EYA3: variants seen among roughly 807,000 people sequenced by gnomAD.
The protein encoded by EYA3 is protein phosphatase EYA3.
A neutral mutation model predicts 80.0 loss-of-function variants in EYA3; 39 were observed. That is an observed-to-expected ratio of 0.49 (90% CI 0.38 to 0.64). The LOEUF is 0.64. Among genes scored for constraint, EYA3 ranks in the 30% least tolerant of loss-of-function variants. EYA3 has a pLI of 0.00. For missense variants in EYA3, 523 were observed against 676.1 expected (o/e 0.77, Z 2.51); for synonymous variants, 206 against 232.8 (o/e 0.88, Z 1.05).
chr1:28,035,457 C>A, intron 6 of EYA3, 87 bp downstream of exon 6: 1 of 1,443,164 alleles, frequency 6.9e-7, no homozygotes, highest in Non-Finnish European at 9.4e-7. Flanking sequence ...TAACTAAGTG[C>A]TTTGTAAAGA....
chr1:27,986,399 A>ATTT (rs111866821), intron 16 of EYA3, among the ~76,000 whole-genome samples: 3 of 135,322 alleles, frequency 2.2e-5, no homozygotes, highest in Non-Finnish European at 3.2e-5. Flanking sequence ...CTCTCTTAAC[A>ATTT]TTTTTTTTTT....
At chr1:28,070,426 G>A (rs1644981937) in intron 1 of EYA3, among the ~76,000 whole-genome samples, 1 of 152,054 alleles carries the variant, frequency 6.6e-6, no homozygotes, top group Admixed American at 6.6e-5. Context: ...GCCAGGCGTG[G>A]TGGTGGGCAC....
chr1:28,059,814 G>A (rs192569259), intron 1 of EYA3, among the ~76,000 whole-genome samples: 268 of 148,610 alleles, frequency 1.8e-3, no homozygotes, highest in Non-Finnish European at 3.1e-3. Context: ...TCCGTCTCCC[G>A]GGTTCAAGCA....
intron 1 of EYA3, among the ~76,000 whole-genome samples, chr1:28,084,542 A>G (rs1034302586): frequency 8.2e-6 from 1 of 121,814 alleles, no homozygotes; most frequent in African/African-American, 3.1e-5. Flanking sequence ...TCTGGGAAGC[A>G]TTGACTATTC....
intron 16 of EYA3, among the ~76,000 whole-genome samples, chr1:27,984,644 T>C (rs1639529920): frequency 6.6e-6 from 1 of 152,232 alleles, no homozygotes; most frequent in Admixed American, 6.5e-5. Context: ...AGGACTTTTG[T>C]CACTGCTGTA....
intron 11 of EYA3, among the ~76,000 whole-genome samples, chr1:28,001,762 G>C (rs1179948045): frequency 2.2e-5 from 3 of 138,106 alleles, no homozygotes; most frequent in African/African-American, 8.0e-5. Flanking sequence ...AAAAAGTCTC[G>C]CTCTGTCACC....
chr1:28,057,919 A>G, intron 2 of EYA3, 75 bp downstream of exon 2: 1 of 836,780 alleles, frequency 1.2e-6, no homozygotes, highest in South Asian at 2.3e-5. Flanking sequence ...TGGAATCTAT[A>G]ACTGAATAAT....
chr1:28,066,458 G>A (rs1644840686), intron 1 of EYA3, among the ~76,000 whole-genome samples: 1 of 151,820 alleles, frequency 6.6e-6, no homozygotes, highest in Admixed American at 6.6e-5. Flanking sequence ...TTTAAAATAT[G>A]AAATAAATGG....
At chr1:28,005,522 T>C (rs552698182) in intron 10 of EYA3, among the ~76,000 whole-genome samples, 2 of 152,212 alleles carry the variant, frequency 1.3e-5, no homozygotes, top group South Asian at 2.1e-4. Context: ...GAGACCAGCC[T>C]GGACAACATG....
chr1:28,084,458 G>T lies in EYA3; in HGVS notation c.-69+4066C>A, dbSNP rs529725777. Among the ~76,000 whole-genome samples the T allele has an allele frequency of 1.5e-4, 23 of 148,604 alleles. No individual in the cohort carries two copies. In the South Asian group the frequency reaches 4.7e-3, roughly 30 times the overall value. On this transcript the variant is annotated intron_variant, in intron 1 of 17. Transcript: ENST00000373871. Reference sequence around the variant, plus strand: ...GTATTTTTAAGTTAATTAGAAAACAGAAAGTCCACCTATTTTCCACCTTAC... The same window carrying T: ...GTATTTTTAAGTTAATTAGAAAACATAAAGTCCACCTATTTTCCACCTTAC...
chr1:28,066,114 G>A (rs1644829569), intron 1 of EYA3, among the ~76,000 whole-genome samples: 1 of 152,172 alleles, frequency 6.6e-6, no homozygotes, highest in Non-Finnish European at 1.5e-5. Context: ...GGCGGGAAGT[G>A]TCTACAACAT....
chr1:27,993,945 G>C (rs541724153), intron 13 of EYA3, among the ~76,000 whole-genome samples: 16 of 152,264 alleles, frequency 1.1e-4, no homozygotes, highest in South Asian at 4.1e-4. Flanking sequence ...GGAGAAACAT[G>C]AAAAAATAAT....
chr1:28,048,680 A>G (rs1644126422), intron 2 of EYA3, among the ~76,000 whole-genome samples: 1 of 152,200 alleles, frequency 6.6e-6, no homozygotes, highest in Non-Finnish European at 1.5e-5. Flanking sequence ...CAAGGTAGAC[A>G]GAATGTTTAC....
chr1:28,019,125 C>G (rs1205604817), intron 7 of EYA3, among the ~76,000 whole-genome samples: 1 of 152,046 alleles, frequency 6.6e-6, no homozygotes, highest in East Asian at 1.9e-4. Context: ...GAGATCGCGC[C>G]ACTGCACTCC....
At chr1:28,003,335 A>AAC (rs985176440) in intron 11 of EYA3, among the ~76,000 whole-genome samples, 1 of 151,920 alleles carries the variant, frequency 6.6e-6, no homozygotes, top group Non-Finnish European at 1.5e-5. Flanking sequence ...CAGGCATGGT[A>AAC]ACGGGCACCT....
chr1:28,007,977 G>C (rs1641414414), intron 10 of EYA3, among the ~76,000 whole-genome samples: 1 of 152,120 alleles, frequency 6.6e-6, no homozygotes, highest in Non-Finnish European at 1.5e-5. Flanking sequence ...CACACTTCCT[G>C]ATTTCAAAAC....
chr1:28,039,690 C>T (rs893908176), intron 4 of EYA3, among the ~76,000 whole-genome samples: 3 of 152,096 alleles, frequency 2.0e-5, no homozygotes, highest in African/African-American at 7.2e-5. Flanking sequence ...GAGTACCTGA[C>T]CCAAAAAGAG....
At chr1:28,011,649 A>C (rs530931147) in intron 9 of EYA3, among the ~76,000 whole-genome samples, 1 of 152,342 alleles carries the variant, frequency 6.6e-6, no homozygotes, top group South Asian at 2.1e-4. Flanking sequence ...TGAGGATATA[A>C]CTGTCAAAAT....
rs1639818010 is a variant in EYA3 at position 27,988,541 on chromosome 1, T to TG, written c.1533dup (p.Lys512GlnfsTer4). ...AACAGCATAGAAACCATACCAATTT[T>TG]GGTAGCACTATAGATGTTCTCAATA... is the stretch of plus-strand genomic sequence containing the variant. On this transcript the variant is annotated frameshift_variant, in exon 16 of 18. Transcript: ENST00000373871. LOFTEE classifies it high-confidence loss of function. The TG allele has an allele frequency of 6.2e-7, 1 of 1,612,714 alleles. No individual in the cohort carries two copies.
Sources: gnomAD v4.1 joint callset for allele counts (sites outside exome capture counted in the v4.1 genomes callset) on GRCh38, gnomAD v4.1.1 for gene constraint, MANE v1.5 for transcripts, NCBI Gene and HGNC (gene_info 2026-07-23, HGNC 2026-07-21) for gene names.